The following UNC79 variants were observed in gnomAD, a reference collection of about 807,000 sequenced individuals.
UNC79 encodes the protein unc-79 subunit of NALCN channel complex.
A neutral mutation model predicts 283.1 loss-of-function variants in UNC79; 37 were observed. That is an observed-to-expected ratio of 0.13 (90% CI 0.10 to 0.17). The LOEUF is 0.17. Ranked by LOEUF, UNC79 falls within the 10% of genes least tolerant of loss-of-function variation. UNC79 has a pLI of 1.00. For missense variants in UNC79, 2,272 were observed against 3,211.1 expected (o/e 0.71, Z 7.07); for synonymous variants, 1,107 against 1,200.2 (o/e 0.92, Z 1.61).
At chr14:93,542,722 CTTGTTAGAGAG>C in intron 14 of UNC79, 26 bp downstream of exon 14, 1 of 1,611,304 alleles carries the variant, frequency 6.2e-7, no homozygotes, top group Non-Finnish European at 8.5e-7. Context: ...CAGCTCACAC[CTTGTTAGAGAG>C]GAGGACTTGG....
intron 1 of UNC79, among the ~76,000 whole-genome samples, chr14:93,376,174 G>A (rs2054554506): frequency 6.6e-6 from 1 of 152,182 alleles, no homozygotes; most frequent in Admixed American, 6.5e-5. Flanking sequence ...ATAACAAGGT[G>A]TTTAAGTTTC....
At chr14:93,519,134 A>T (rs898662981) in intron 7 of UNC79, among the ~76,000 whole-genome samples, 1 of 151,826 alleles carries the variant, frequency 6.6e-6, no homozygotes, top group Non-Finnish European at 1.5e-5. Context: ...GGAAATTTAC[A>T]ACTTCAGTTA....
At chr14:93,412,039 A>G (rs140521033) in intron 1 of UNC79, among the ~76,000 whole-genome samples, 2 of 152,372 alleles carry the variant, frequency 1.3e-5, no homozygotes, top group East Asian at 3.9e-4. Context: ...AAAGAAATTG[A>G]AGATAACACA....
intron 8 of UNC79, among the ~76,000 whole-genome samples, chr14:93,528,088 A>G (rs1174423438): frequency 6.6e-6 from 1 of 152,168 alleles, no homozygotes; most frequent in Admixed American, 6.5e-5. Flanking sequence ...AACTTTTTTG[A>G]ATAAGGTATG....
At chr14:93,687,694 C>T (rs1278975198) in intron 43 of UNC79, among the ~76,000 whole-genome samples, 1 of 152,024 alleles carries the variant, frequency 6.6e-6, no homozygotes, top group Non-Finnish European at 1.5e-5. Flanking sequence ...ATATGTAAAC[C>T]CATTCATTTC....
chr14:93,595,075 C>T (rs539195979), intron 23 of UNC79, among the ~76,000 whole-genome samples: 185 of 150,320 alleles, frequency 1.2e-3, no homozygotes, highest in Non-Finnish European at 2.0e-3. Context: ...CTCTTTCTTT[C>T]CTTTTTTTTT....
chr14:93,618,388 CAAT>C, intron 29 of UNC79, 34 bp downstream of exon 30: 2 of 1,570,210 alleles, frequency 1.3e-6, no homozygotes, highest in Non-Finnish European at 1.7e-6. Flanking sequence ...AACCTAGCTT[CAAT>C]ACATAATAGA....
intron 1 of UNC79, among the ~76,000 whole-genome samples, chr14:93,404,493 A>AAAAAAAAAATATATATATATAT: frequency 3.6e-4 from 22 of 61,488 alleles, no homozygotes; most frequent in East Asian, 8.3e-4. Flanking sequence ...TTCTAAAAAA[A>AAAAAAAAAATATATATATATAT]ATATATATAT....
At chr14:93,682,793 A>G in intron 42 of UNC79, 99 bp downstream of exon 45, 2 of 1,124,358 alleles carry the variant, frequency 1.8e-6, no homozygotes, top group Non-Finnish European at 2.6e-6. Flanking sequence ...GAGGCCTGCC[A>G]TTTACTAGCT....
At chr14:93,691,874 G>A (rs758974627) in exon 46 of UNC79, 7 of 1,614,048 alleles carry the variant, frequency 4.3e-6, no homozygotes, top group Admixed American at 1.7e-5. Context: ...GCTTCACGGC[G>A]ATACTGACAG....
intron 1 of UNC79, among the ~76,000 whole-genome samples, chr14:93,444,053 G>C (rs61992571): frequency 0.065 from 9,960 of 152,218 alleles, 604 homozygotes; most frequent in East Asian, 0.34. Flanking sequence ...AAGGTTTTAT[G>C]TTCCCACCAG....
chr14:93,510,142 G>A (rs74692387), intron 7 of UNC79, among the ~76,000 whole-genome samples: 9,510 of 152,300 alleles, frequency 0.062, 401 homozygotes, highest in Middle Eastern at 0.13. Flanking sequence ...TGGAGCTGGA[G>A]TGGCTATAAT....
chr14:93,590,587 A>G (rs1001919089), intron 22 of UNC79, among the ~76,000 whole-genome samples: 13 of 152,180 alleles, frequency 8.5e-5, no homozygotes, highest in South Asian at 4.1e-4. Flanking sequence ...TGTTAGTGCC[A>G]TGGGACTACC....
At chr14:93,686,441 G>C in intron 42 of UNC79, 131 bp from the exon 46 acceptor site, 1 of 901,272 alleles carries the variant, frequency 1.1e-6, no homozygotes, top group South Asian at 1.6e-5. Flanking sequence ...ACCAAGCTGA[G>C]AGTAATGGAG....
At chr14:93,419,145 C>T (rs1409476511) in intron 1 of UNC79, among the ~76,000 whole-genome samples, 3 of 151,204 alleles carry the variant, frequency 2.0e-5, no homozygotes, top group Admixed American at 1.3e-4. Context: ...GGAGCTGTTC[C>T]TATTTGGCCA....
chr14:93,419,838 A>G (rs753103718), intron 1 of UNC79, among the ~76,000 whole-genome samples: 14 of 151,648 alleles, frequency 9.2e-5, no homozygotes, highest in Non-Finnish European at 1.5e-4. Context: ...CCAAGGTAAG[A>G]CGATTGCTTG....
exon 13 of UNC79, chr14:93,540,738 T>C: frequency 3.7e-6 from 6 of 1,613,784 alleles, no homozygotes; most frequent in Non-Finnish European, 5.1e-6. Context: ...GCCTCTCCTC[T>C]TCCCACCATT....
At chr14:93,335,553 G>C (rs1186008746) in intron 1 of UNC79, among the ~76,000 whole-genome samples, 1 of 152,198 alleles carries the variant, frequency 6.6e-6, no homozygotes, top group Non-Finnish European at 1.5e-5. Context: ...AGATAGATCT[G>C]GATGGCCATA....
chr14:93,625,155 A>G (rs1443659580), intron 30 of UNC79, among the ~76,000 whole-genome samples: 1 of 152,176 alleles, frequency 6.6e-6, no homozygotes, highest in Non-Finnish European at 1.5e-5. Flanking sequence ...TCTGAGTCTA[A>G]TGGAAGCCCA....
Sources: allele counts gnomAD v4.1 joint callset (sites outside exome capture counted in the v4.1 genomes callset), GRCh38; gene constraint gnomAD v4.1.1; transcripts MANE v1.5; gene names NCBI Gene and HGNC (gene_info 2026-07-23, HGNC 2026-07-21).